Variants in PCM1 observed in about 807,000 individuals in gnomAD.
The protein encoded by PCM1 is pericentriolar material 1 protein.
A neutral mutation model predicts 241.9 loss-of-function variants in PCM1; 157 were observed. The observed-to-expected ratio is 0.65, with a 90% CI of 0.57 to 0.74. The LOEUF is 0.74. Ranked by LOEUF, PCM1 falls within the 30% of genes least tolerant of loss-of-function variation. The pLI, the probability that PCM1 is intolerant of heterozygous loss-of-function variation, is 0.00. For synonymous variants in PCM1, 1,085 were observed against 784.9 expected (o/e 1.38, Z -6.39); for missense variants, 3,478 against 2,360.1 (o/e 1.47, Z -9.81).
At chr8:18,027,052 G>GTT (rs1404001310) in intron 38 of PCM1, among the ~76,000 whole-genome samples, 1 of 152,062 alleles carries the variant, frequency 6.6e-6, no homozygotes, top group Non-Finnish European at 1.5e-5. Context: ...GGATCAAAGG[G>GTT]TTTTCTTTTT....
intron 2 of PCM1, among the ~76,000 whole-genome samples, chr8:17,934,500 A>C (rs1008809062): frequency 1.3e-5 from 2 of 152,120 alleles, no homozygotes; most frequent in Non-Finnish European, 2.9e-5. Flanking sequence ...ACCTCAAGTG[A>C]TCCGCTTACC....
intron 2 of PCM1, among the ~76,000 whole-genome samples, chr8:17,929,571 C>G (rs1199927567): frequency 1.3e-5 from 2 of 152,188 alleles, no homozygotes; most frequent in Non-Finnish European, 2.9e-5. Context: ...AAACTTGTTT[C>G]TTTTCTGATC....
chr8:17,960,452 T>A lies in PCM1; in HGVS notation c.2322+8T>A, dbSNP rs1446324600. 6.4e-7 allele frequency: 1 copy of A among 1,572,924 alleles called. No homozygotes were observed. The highest frequency in any genetic ancestry group is 2.0e-5 in the Admixed American group (1 of 49,432). ...GCATGCCCTGACTTACAGGTAATTA[T>A]GAAATTTATTTCTAATTGTCTGAAA... On this transcript the variant is annotated splice_region_variant and intron_variant, in intron 15 of 38. Coordinates refer to ENST00000325083, the MANE Select transcript of PCM1 (RefSeq NM_006197.4).
At chr8:17,959,414 G>A (rs1482270653) in intron 13 of PCM1, among the ~76,000 whole-genome samples, 1 of 151,960 alleles carries the variant, frequency 6.6e-6, no homozygotes, top group East Asian at 1.9e-4. Flanking sequence ...ATAGCATCCA[G>A]TTACTATATA....
At chr8:18,019,324 G>T (rs2427741) in intron 36 of PCM1, among the ~76,000 whole-genome samples, 112,960 of 152,080 alleles carry the variant, frequency 0.74, 42,426 homozygotes, top group Middle Eastern at 0.78. Flanking sequence ...TCTGTAGAGC[G>T]GCTGTCCTCA....
At chr8:18,006,105 G>T in intron 29 of PCM1, 158 bp from the exon 30 acceptor site, 1 of 635,880 alleles carries the variant, frequency 1.6e-6, no homozygotes, top group Non-Finnish European at 2.6e-6. Flanking sequence ...TAGGAGTTTG[G>T]CTTTTCTTAT....
intron 28 of PCM1, 74 bp from the exon 29 acceptor site, chr8:17,993,409 A>G (rs535806803): frequency 1.7e-5 from 17 of 1,019,328 alleles, no homozygotes; most frequent in East Asian, 1.2e-4. Context: ...ATATTTTTCA[A>G]ATTTCAACAT....
At chr8:17,930,784 G>T (rs2058761059) in intron 2 of PCM1, among the ~76,000 whole-genome samples, 1 of 151,972 alleles carries the variant, frequency 6.6e-6, no homozygotes, top group African/African-American at 2.4e-5. Context: ...GGAGGCTGAG[G>T]CAGGAGAATG....
At chr8:17,974,516 G>C (rs1175418509) in intron 23 of PCM1, among the ~76,000 whole-genome samples, 2 of 152,176 alleles carry the variant, frequency 1.3e-5, no homozygotes, top group African/African-American at 4.8e-5. Context: ...AGGGACTTGA[G>C]AGTCTGCCTT....
intron 20 of PCM1, 32 bp downstream of exon 20, chr8:17,966,505 A>C: frequency 6.3e-7 from 1 of 1,598,078 alleles, no homozygotes; most frequent in Non-Finnish European, 8.6e-7. Flanking sequence ...TTGAGACTGT[A>C]TAAGAGCTAA....
chr8:17,975,445 G>A (rs149140248), intron 23 of PCM1, among the ~76,000 whole-genome samples: 7 of 152,134 alleles, frequency 4.6e-5, no homozygotes, highest in Non-Finnish European at 1.0e-4. Flanking sequence ...TTACAGGTGT[G>A]AGCCACAGCG....
chr8:17,947,864 A>G (rs2064410962), intron 7 of PCM1, among the ~76,000 whole-genome samples: 1 of 152,122 alleles, frequency 6.6e-6, no homozygotes, highest in African/African-American at 2.4e-5. Flanking sequence ...TTGGAACTAT[A>G]TTTATAGTGT....
chr8:18,003,726 G>A (rs2129483745), intron 29 of PCM1, among the ~76,000 whole-genome samples: 1 of 152,118 alleles, frequency 6.6e-6, no homozygotes, highest in Middle Eastern at 3.4e-3. Context: ...TTTACCAAGT[G>A]TTTTGTGAAT....
At chr8:17,932,901 C>G (rs898371140) in intron 2 of PCM1, among the ~76,000 whole-genome samples, 2 of 152,090 alleles carry the variant, frequency 1.3e-5, no homozygotes, top group African/African-American at 4.8e-5. Context: ...CCTAAGGCAT[C>G]TGTTGTTTAC....
At chr8:17,959,268 A>G (rs1200439147) in intron 13 of PCM1, among the ~76,000 whole-genome samples, 3 of 151,966 alleles carry the variant, frequency 2.0e-5, no homozygotes, top group Non-Finnish European at 4.4e-5. Context: ...CTATATAATT[A>G]TAAGTAATTA....
In PCM1 at chr8:17,935,521, A is replaced by G. The variant is rs575085658; in HGVS notation, c.-22-68A>G. Reference sequence around the variant, plus strand: ...TTCAAAGATTGTATTGCTAAACTTCATGGAATGATTTGAAAATTGAATTTG... The same window carrying G: ...TTCAAAGATTGTATTGCTAAACTTCGTGGAATGATTTGAAAATTGAATTTG... On this transcript the variant is annotated intron_variant, in intron 2 of 38. Coordinates refer to ENST00000325083, the MANE Select transcript of PCM1 (RefSeq NM_006197.4). 15 of 637,988 alleles carry G rather than the reference A, an allele frequency of 2.4e-5. No homozygotes were observed. The African/African-American group carries it at 2.4e-4, about 10-fold the overall frequency. The allele number at this position is 637,988 out of a possible 1,614,324, so 39.5% of individuals were successfully genotyped here.
At position 17,959,995 on chromosome 8, in the gene PCM1, T is replaced by TA; in HGVS notation, c.2041-19_2041-18insA. The TA allele has an allele frequency of 6.2e-7, 1 of 1,609,514 alleles. No homozygotes were observed. Among genetic ancestry groups the TA allele is most frequent in the Non-Finnish European group, 8.5e-7 (1 of 1,177,680 alleles). ...TCTTGAGGTATCAAGATTGTTTTAATGTAATGATGCTCTTTCAGGATGATG... is the reference window on the plus strand; with the variant it reads ...TCTTGAGGTATCAAGATTGTTTTAATAGTAATGATGCTCTTTCAGGATGATG... On this transcript the variant is annotated intron_variant, in intron 13 of 38. Transcript: ENST00000325083.
At chr8:17,932,385 A>C (rs1029610612) in intron 2 of PCM1, among the ~76,000 whole-genome samples, 2 of 152,136 alleles carry the variant, frequency 1.3e-5, no homozygotes, top group Admixed American at 1.3e-4. Flanking sequence ...ATACTGGTTT[A>C]TATTCTCAAT....
intron 36 of PCM1, 54 bp from the exon 37 acceptor site, chr8:18,025,307 T>C: frequency 1.1e-6 from 1 of 927,720 alleles, no homozygotes; most frequent in Admixed American, 2.1e-5. Context: ...TTTCTTTACA[T>C]GGATGACTGG....
Sources: gnomAD v4.1 joint callset for allele counts (sites outside exome capture counted in the v4.1 genomes callset) on GRCh38, gnomAD v4.1.1 for gene constraint, MANE v1.5 for transcripts, NCBI Gene and HGNC (gene_info 2026-07-23, HGNC 2026-07-21) for gene names.